Variants in BICRAL observed in about 807,000 individuals in gnomAD.
The protein encoded by BICRAL is BICRA like chromatin remodeling complex associated protein, also known as BRD4-interacting chromatin-remodeling complex-associated protein-like.
BICRAL carries 8 observed loss-of-function variants against 91.8 expected under a neutral mutation model. That is an observed-to-expected ratio of 0.09 (90% CI 0.05 to 0.16). BICRAL has a LOEUF of 0.16. Ranked by LOEUF, BICRAL falls within the 10% of genes least tolerant of loss-of-function variation. The pLI, the probability that BICRAL is intolerant of heterozygous loss-of-function variation, is 1.00. For missense variants in BICRAL, 1,038 were observed against 1,310.9 expected (o/e 0.79, Z 3.21); for synonymous variants, 445 against 491.1 (o/e 0.91, Z 1.24).
At chr6:42,845,658 G>C (rs1037101857) in intron 6 of BICRAL, among the ~76,000 whole-genome samples, 3 of 151,926 alleles carry the variant, frequency 2.0e-5, no homozygotes, top group Non-Finnish European at 2.9e-5. Flanking sequence ...TAAAATGATT[G>C]CCCCAGGCTA....
At chr6:42,811,494 G>C (rs1047168105) in intron 2 of BICRAL, among the ~76,000 whole-genome samples, 1 of 152,096 alleles carries the variant, frequency 6.6e-6, no homozygotes, top group African/African-American at 2.4e-5. Flanking sequence ...GGTGGCGCAC[G>C]CCTGTAATCC....
At chr6:42,797,673 A>T (rs9462828) in intron 1 of BICRAL, among the ~76,000 whole-genome samples, 72,734 of 151,938 alleles carry the variant, frequency 0.48, 19,114 homozygotes, top group African/African-American at 0.7. Flanking sequence ...CTGTTTTTTT[A>T]AATTATTAAA....
rs749244962 is a variant in BICRAL at position 42,823,002 on chromosome 6, G to A, written c.158G>A (p.Ser53Asn). 6.3e-7 allele frequency: 1 copy of A among 1,586,796 alleles called. No individual in the cohort carries two copies. The highest frequency in any genetic ancestry group is 8.7e-7 in the Non-Finnish European group (1 of 1,155,208). The change falls in exon 5 of 13, where the codon AGT (serine) becomes AAT (asparagine). Residue 53 changes from serine to asparagine, a missense_variant and splice_region_variant. Coordinates refer to ENST00000314073, the MANE Select transcript of BICRAL (RefSeq NM_001393499.1). ...TCAAATTCAATTTTCGCCAACTCTA[G>A]TGTGAGTATTGGAAACTAAATGCAA... ...ANSNSIFANS[S>N]NADPKSSLKG...
intron 1 of BICRAL, among the ~76,000 whole-genome samples, chr6:42,783,142 T>C (rs1443511884): frequency 1.3e-5 from 2 of 150,446 alleles, no homozygotes; most frequent in African/African-American, 4.9e-5. Context: ...CCGTTCCCGC[T>C]CCCGCTCCGA....
intron 6 of BICRAL, among the ~76,000 whole-genome samples, chr6:42,851,223 T>G (rs1328111066): frequency 1.3e-5 from 2 of 152,066 alleles, no homozygotes; most frequent in African/African-American, 4.8e-5. Flanking sequence ...ATCTTTTTAC[T>G]TAAAATGTAT....
chr6:42,766,959 G>A (rs928578825), intron 1 of BICRAL, among the ~76,000 whole-genome samples: 20 of 151,810 alleles, frequency 1.3e-4, no homozygotes, highest in Middle Eastern at 6.8e-3. Flanking sequence ...AGAATGGCGT[G>A]AACCCGGAAG....
chr6:42,769,152 A>G (rs966872220), intron 1 of BICRAL, among the ~76,000 whole-genome samples: 1 of 152,216 alleles, frequency 6.6e-6, no homozygotes, highest in Non-Finnish European at 1.5e-5. Context: ...AGGGTCTCTC[A>G]TGAGTTTATA....
chr6:42,796,738 C>T (rs1447214536), intron 1 of BICRAL, among the ~76,000 whole-genome samples: 2 of 151,794 alleles, frequency 1.3e-5, no homozygotes, highest in Non-Finnish European at 2.9e-5. Flanking sequence ...CTGACATATG[C>T]GATGTGGGTA....
intron 1 of BICRAL, among the ~76,000 whole-genome samples, chr6:42,782,476 T>C (rs1582812528): frequency 9.2e-6 from 1 of 108,618 alleles, no homozygotes; most frequent in African/African-American, 3.5e-5. Context: ...GTTCAGTGTC[T>C]CGGGCGGGGG....
chr6:42,791,467 A>G (rs1763270057), intron 1 of BICRAL, among the ~76,000 whole-genome samples: 1 of 152,202 alleles, frequency 6.6e-6, no homozygotes, highest in African/African-American at 2.4e-5. Context: ...GGTTTATTTC[A>G]GTTGAACCCA....
chr6:42,854,212 TG>T (rs1377511672), intron 8 of BICRAL, among the ~76,000 whole-genome samples: 1 of 152,188 alleles, frequency 6.6e-6, no homozygotes, highest in Non-Finnish European at 1.5e-5. Flanking sequence ...TTTTGGTTTT[TG>T]TTTGAGACAG....
intron 1 of BICRAL, among the ~76,000 whole-genome samples, chr6:42,767,889 A>G (rs752123738): frequency 6.6e-6 from 1 of 152,208 alleles, no homozygotes; most frequent in Non-Finnish European, 1.5e-5. Context: ...GTGGACACCA[A>G]TTGAGAAACT....
intron 1 of BICRAL, among the ~76,000 whole-genome samples, chr6:42,766,158 T>G (rs944529223): frequency 4.6e-5 from 7 of 152,160 alleles, no homozygotes; most frequent in African/African-American, 9.7e-5. Context: ...CCGGTACTTT[T>G]TCATCAATTG....
intron 6 of BICRAL, among the ~76,000 whole-genome samples, chr6:42,842,741 TG>T (rs1764839845): frequency 6.6e-6 from 1 of 152,234 alleles, no homozygotes; most frequent in African/African-American, 2.4e-5. Flanking sequence ...CTTTGTTAAA[TG>T]TTTTCTACAT....
intron 1 of BICRAL, among the ~76,000 whole-genome samples, chr6:42,772,038 G>A (rs1247568086): frequency 6.6e-6 from 1 of 152,030 alleles, no homozygotes; most frequent in Non-Finnish European, 1.5e-5. Context: ...GTGATCAGTG[G>A]GTAATAGAGG....
At chr6:42,772,677 G>C (rs1352274316) in intron 1 of BICRAL, among the ~76,000 whole-genome samples, 1 of 152,174 alleles carries the variant, frequency 6.6e-6, no homozygotes, top group Non-Finnish European at 1.5e-5. Context: ...GTGAGGCAGT[G>C]AGGTGCTGAT....
rs560444032 is a variant in BICRAL, at chr6:42,748,397, A to G, written c.-261+1374A>G. Among the ~76,000 whole-genome samples, 4 of 152,174 alleles carry G rather than the reference A, an allele frequency of 2.6e-5. No individual in the cohort carries two copies. The South Asian group carries it at 8.3e-4, about 31-fold the overall frequency. ...ACTTGGAGGTTGCAGCTGGAGTGAG[A>G]TAACATTTCGGTATTAGGCATAGTG... On this transcript the variant is annotated intron_variant, in intron 1 of 14. Coordinates refer to the BICRAL transcript ENST00000614467.
At chr6:42,759,977 G>A (rs942968743) in intron 1 of BICRAL, among the ~76,000 whole-genome samples, 5 of 152,158 alleles carry the variant, frequency 3.3e-5, no homozygotes, top group South Asian at 2.1e-4. Context: ...AGGTGTGGTG[G>A]CTTAACCCTG....
At chr6:42,820,488 T>C (rs771960936) in intron 2 of BICRAL, among the ~76,000 whole-genome samples, 3 of 152,182 alleles carry the variant, frequency 2.0e-5, no homozygotes, top group African/African-American at 4.8e-5. Flanking sequence ...TCACTAAATG[T>C]CGTCAGGATT....
Sources: allele counts gnomAD v4.1 joint callset (sites outside exome capture counted in the v4.1 genomes callset), GRCh38; gene constraint gnomAD v4.1.1; transcripts MANE v1.5; gene names NCBI Gene and HGNC (gene_info 2026-07-23, HGNC 2026-07-21).